COX7B2: variants seen among roughly 807,000 people sequenced by gnomAD.
COX7B2 encodes cytochrome c oxidase subunit 7B2, mitochondrial.
For missense variants in COX7B2, 109 were observed against 95.9 expected (o/e 1.14, Z -0.57); for synonymous variants, 37 against 32.1 (o/e 1.15, Z -0.51).
At chr4:46,737,792 A>C (rs1714452542) in intron 2 of COX7B2, among the ~76,000 whole-genome samples, 1 of 152,132 alleles carries the variant, frequency 6.6e-6, no homozygotes, top group African/African-American at 2.4e-5. Context: ...AAAGGCCCTG[A>C]GGTCAATACT....
At chr4:46,870,701 A>G (rs1717937078) in intron 1 of COX7B2, among the ~76,000 whole-genome samples, 1 of 152,092 alleles carries the variant, frequency 6.6e-6, no homozygotes, top group Admixed American at 6.6e-5. Flanking sequence ...CCAACAACCA[A>G]GCCAACAACC....
chr4:46,853,281 T>G (rs2109783816), intron 1 of COX7B2, among the ~76,000 whole-genome samples: 1 of 152,280 alleles, frequency 6.6e-6, no homozygotes, highest in Middle Eastern at 3.4e-3. Context: ...AACAAAGAAC[T>G]TATATGGATA....
intron 2 of COX7B2, among the ~76,000 whole-genome samples, chr4:46,795,026 G>A (rs892059586): frequency 8.6e-5 from 12 of 140,130 alleles, no homozygotes; most frequent in South Asian, 2.1e-4. Context: ...CATGTCCTTC[G>A]CCCACTTTTT....
intron 2 of COX7B2, among the ~76,000 whole-genome samples, chr4:46,829,847 A>G (rs1021568727): frequency 6.6e-6 from 1 of 152,214 alleles, no homozygotes; most frequent in Non-Finnish European, 1.5e-5. Context: ...CAGAATACAG[A>G]TAAAGATTTT....
At chr4:46,848,219 C>T (rs1044148556) in intron 1 of COX7B2, among the ~76,000 whole-genome samples, 1 of 152,034 alleles carries the variant, frequency 6.6e-6, no homozygotes, top group Non-Finnish European at 1.5e-5. Flanking sequence ...TATTTCAAAA[C>T]TCACTAACTA....
intron 1 of COX7B2, among the ~76,000 whole-genome samples, chr4:46,854,867 G>T (rs1716913411): frequency 6.6e-6 from 1 of 152,040 alleles, no homozygotes; most frequent in Non-Finnish European, 1.5e-5. Context: ...ATATGCTATT[G>T]TAACATTTTA....
intron 2 of COX7B2, among the ~76,000 whole-genome samples, chr4:46,827,408 G>C (rs971929027): frequency 6.6e-6 from 1 of 152,198 alleles, no homozygotes; most frequent in African/African-American, 2.4e-5. Context: ...GCAACCAACT[G>C]TAGGTTTTTG....
intron 2 of COX7B2, among the ~76,000 whole-genome samples, chr4:46,797,677 C>A (rs1011428499): frequency 6.6e-6 from 1 of 152,130 alleles, no homozygotes; most frequent in East Asian, 1.9e-4. Flanking sequence ...GCAATGATTC[C>A]CACCACATCT....
chr4:46,794,264 C>T (rs2109596060), intron 2 of COX7B2, among the ~76,000 whole-genome samples: 1 of 152,250 alleles, frequency 6.6e-6, no homozygotes, highest in East Asian at 1.9e-4. Flanking sequence ...AATATATTGA[C>T]ATGGACTCAC....
chr4:46,756,656 TAA>T (rs1715818903), intron 2 of COX7B2, among the ~76,000 whole-genome samples: 1 of 151,826 alleles, frequency 6.6e-6, no homozygotes, highest in South Asian at 2.1e-4. Context: ...CATACATTTC[TAA>T]AAGACATACA....
chr4:46,883,381 AT>A (rs5858042), intron 1 of COX7B2, among the ~76,000 whole-genome samples: 3 of 150,782 alleles, frequency 2.0e-5, no homozygotes, highest in African/African-American at 7.3e-5. Context: ...CCCTTTCTGT[AT>A]TTTTTTTTAA....
chr4:46,757,371 T>C (rs1411525536), intron 2 of COX7B2, among the ~76,000 whole-genome samples: 2 of 152,096 alleles, frequency 1.3e-5, no homozygotes, highest in African/African-American at 2.4e-5. Flanking sequence ...ATGTTCACTA[T>C]TCTGGTGATG....
At chr4:46,829,460 A>T (rs150535531) in intron 2 of COX7B2, among the ~76,000 whole-genome samples, 60 of 152,114 alleles carry the variant, frequency 3.9e-4, no homozygotes, top group African/African-American at 1.4e-3. Flanking sequence ...TTAACATGCA[A>T]TTTTTTTTCC....
intron 2 of COX7B2, among the ~76,000 whole-genome samples, chr4:46,760,598 A>C (rs1716089087): frequency 6.6e-6 from 1 of 152,106 alleles, no homozygotes; most frequent in South Asian, 2.1e-4. Flanking sequence ...TAGGAGAAAT[A>C]CCTAAAGTAG....
At chr4:46,753,723 T>G (rs915837855) in intron 2 of COX7B2, among the ~76,000 whole-genome samples, 2 of 151,784 alleles carry the variant, frequency 1.3e-5, no homozygotes, top group African/African-American at 2.4e-5. Flanking sequence ...GGGATCTAAT[T>G]AAACTAAAGA....
chr4:46,809,265 G>A (rs1481097259), intron 2 of COX7B2, among the ~76,000 whole-genome samples: 1 of 151,216 alleles, frequency 6.6e-6, no homozygotes, highest in African/African-American at 2.4e-5. Context: ...TCTTCATATG[G>A]CTTTCTATTC....
rs544956139 is a variant in COX7B2 at position 46,842,358 on chromosome 4, A to G, written c.-50+2602T>C. ...AAATCAGTAGACATGAATAAGCATG[A>G]TTAAATTAAATGCATAGCACAGTGG... is the stretch of plus-strand genomic sequence containing the variant. On this transcript the variant is annotated intron_variant, in intron 2 of 2. Transcript: ENST00000355591. Among the ~76,000 whole-genome samples, 73 of 152,140 alleles carry G rather than the reference A, an allele frequency of 4.8e-4. No individual in the cohort carries two copies. In the Middle Eastern group the frequency reaches 0.01, roughly 21 times the overall value.
intron 2 of COX7B2, among the ~76,000 whole-genome samples, chr4:46,843,972 C>G (rs975241426): frequency 6.6e-6 from 1 of 151,898 alleles, no homozygotes; most frequent in Non-Finnish European, 1.5e-5. Context: ...ATTTATGACA[C>G]ATGGGTGAAT....
chr4:46,748,378 A>T (rs1169791027), intron 2 of COX7B2, among the ~76,000 whole-genome samples: 1 of 152,198 alleles, frequency 6.6e-6, no homozygotes. Flanking sequence ...TCAAAACAAA[A>T]AAATACTTTA....
Sources: allele counts gnomAD v4.1 joint callset (sites outside exome capture counted in the v4.1 genomes callset), GRCh38; gene constraint gnomAD v4.1.1; transcripts MANE v1.5; gene names NCBI Gene and HGNC (gene_info 2026-07-23, HGNC 2026-07-21).